Variants in GRM5 observed in about 807,000 individuals in gnomAD.
GRM5 encodes glutamate metabotropic receptor 5.
GRM5 carries 19 observed loss-of-function variants against 83.1 expected under a neutral mutation model. That is an observed-to-expected ratio of 0.23 (90% CI 0.16 to 0.34). The LOEUF (loss-of-function observed/expected upper bound fraction) is 0.34. Ranked by LOEUF, GRM5 falls within the 10% of genes least tolerant of loss-of-function variation. GRM5 has a pLI of 1.00. For synonymous variants in GRM5, 675 were observed against 633.6 expected, an observed-to-expected ratio of 1.07 and a Z score of -0.98; for missense variants, 1,160 against 1,588.3, an observed-to-expected ratio of 0.73 and a Z score of 4.58.
At chr11:88,778,059 C>T (rs1051355602) in intron 3 of GRM5, among the ~76,000 whole-genome samples, 20 of 152,150 alleles carry the variant, frequency 1.3e-4, no homozygotes, top group East Asian at 7.7e-4. Context: ...CCCTGCCCAC[C>T]GAGATGGAGT....
At chr11:88,962,405 C>T (rs189870789) in intron 2 of GRM5, among the ~76,000 whole-genome samples, 1 of 152,306 alleles carries the variant, frequency 6.6e-6, no homozygotes, top group Admixed American at 6.5e-5. Context: ...ACTAACCATT[C>T]ACTCATACAC....
chr11:88,721,379 A>C (rs1941535885), intron 3 of GRM5, among the ~76,000 whole-genome samples: 1 of 152,052 alleles, frequency 6.6e-6, no homozygotes, highest in Non-Finnish European at 1.5e-5. Flanking sequence ...AGAATGCACT[A>C]TTTCATATTT....
At chr11:88,948,740 C>T (rs1938360719) in intron 2 of GRM5, among the ~76,000 whole-genome samples, 1 of 152,124 alleles carries the variant, frequency 6.6e-6, no homozygotes, top group Non-Finnish European at 1.5e-5. Context: ...AAAGCTATTG[C>T]TCTCCTATTA....
At chr11:88,963,024 G>A (rs664872) in intron 2 of GRM5, among the ~76,000 whole-genome samples, 134,489 of 152,224 alleles carry the variant, frequency 0.88, 61,689 homozygotes, top group Non-Finnish European at 0.99. Context: ...AGGAGGCAGA[G>A]GTTGCAGTGA....
In GRM5 at chr11:88,508,420, T is replaced by A; in HGVS notation, c.*172A>T. 2.0e-6 allele frequency: 1 copy of A among 497,950 alleles called. No individual in the cohort carries two copies. The highest frequency in any genetic ancestry group is 3.5e-6 in the Non-Finnish European group (1 of 287,020). 30.8% of individuals were successfully genotyped at this position (497,950 alleles called of 1,614,324 possible). A position where few individuals can be genotyped will look rare whatever the true frequency, so the allele number is the denominator to read the frequency against. ...AATCTGCCAAAAGATTTGTCGTCGGTTTCTTCGTCGGTTGTCATGAGATAG... is the reference window on the plus strand; with the variant it reads ...AATCTGCCAAAAGATTTGTCGTCGGATTCTTCGTCGGTTGTCATGAGATAG... On this transcript the variant is annotated 3_prime_UTR_variant, in exon 10 of 10. Coordinates refer to ENST00000305447, the MANE Select transcript of GRM5 (RefSeq NM_001143831.3). This position sits in a 1 kb window ranked among gnomAD's most constrained non-coding sequence, Gnocchi z 4.2.
chr11:88,642,519 A>G (rs1427359421), intron 4 of GRM5, among the ~76,000 whole-genome samples: 2 of 152,188 alleles, frequency 1.3e-5, no homozygotes, highest in East Asian at 3.8e-4. Flanking sequence ...TCTGCCACAC[A>G]GTCAGGCTGT....
intron 9 of GRM5, among the ~76,000 whole-genome samples, chr11:88,514,347 T>G (rs1510603): frequency 0.14 from 21,382 of 152,172 alleles, 1,634 homozygotes; most frequent in African/African-American, 0.16. Context: ...ACACTTTCTA[T>G]CTTTATTCTC....
At chr11:88,580,976 C>T (rs1176411589) in intron 7 of GRM5, among the ~76,000 whole-genome samples, 1 of 152,152 alleles carries the variant, frequency 6.6e-6, no homozygotes, top group East Asian at 1.9e-4. Context: ...GGCATGGTGG[C>T]ATGCGCCTGT....
At chr11:89,055,787 A>G (rs1432663298) in intron 1 of GRM5, among the ~76,000 whole-genome samples, 2 of 152,134 alleles carry the variant, frequency 1.3e-5, no homozygotes, top group African/African-American at 4.8e-5. Flanking sequence ...GATGGGGACA[A>G]TTATAACAAC....
At chr11:88,529,690 T>C (rs528774909) in intron 8 of GRM5, among the ~76,000 whole-genome samples, 1 of 152,068 alleles carries the variant, frequency 6.6e-6, no homozygotes, top group East Asian at 1.9e-4. Context: ...AGAGAAATAC[T>C]ACTACAGTTA....
intron 3 of GRM5, among the ~76,000 whole-genome samples, chr11:88,817,563 A>G (rs1943714421): frequency 6.6e-6 from 1 of 152,146 alleles, no homozygotes; most frequent in Non-Finnish European, 1.5e-5. Context: ...TAAAAATACC[A>G]TCAACTAGTG....
chr11:88,804,638 T>C (rs1182883935), intron 3 of GRM5, among the ~76,000 whole-genome samples: 2 of 152,184 alleles, frequency 1.3e-5, no homozygotes, highest in South Asian at 2.1e-4. Flanking sequence ...TATACATATG[T>C]AACTAGCCTG....
rs1215729948 is a variant in GRM5, at chr11:88,509,183, C to G, written c.3048G>C (p.Pro1016=). The part of the protein sequence containing the change: ...AEEHFPAPAR[P]RSPSPISTLS... ...GCGTGCTGATGGGCGACGGTGAGCG[C>G]GGCCGCGCGGGCGCCGGGAAGTGCT... Residue 1016 remains proline, a synonymous_variant, in exon 10 of 10, where the codon CCG becomes CCC. Transcript: ENST00000305447. The G allele has an allele frequency of 6.5e-7, 1 of 1,534,072 alleles. No homozygotes were observed. The highest frequency in any genetic ancestry group is 8.7e-7 in the Non-Finnish European group (1 of 1,142,982).
intron 6 of GRM5, among the ~76,000 whole-genome samples, chr11:88,592,870 G>A (rs528042730): frequency 3.3e-5 from 5 of 152,138 alleles, no homozygotes; most frequent in African/African-American, 4.8e-5. Context: ...TGGGAGTGCA[G>A]TGGCGCCATC....
At chr11:88,563,587 C>T (rs765757358) in intron 8 of GRM5, among the ~76,000 whole-genome samples, 47 of 152,104 alleles carry the variant, frequency 3.1e-4, no homozygotes, top group African/African-American at 1.1e-3. Context: ...AGGGCTGGGT[C>T]GAGCATGGTA....
In GRM5 at chr11:88,888,654, T is replaced by C. The variant is rs1044640176; in HGVS notation, c.662-38499A>G. Among the ~76,000 whole-genome samples, 7 of 152,196 alleles carry C rather than the reference T, an allele frequency of 4.6e-5. No individual in the cohort carries two copies. The South Asian group carries it at 1.2e-3, about 27-fold the overall frequency. On this transcript the variant is annotated intron_variant, in intron 2 of 9. Transcript: ENST00000305447. ...TTTTTTTACTAGTTGGGTTTTTGGC[T>C]TCTCTATCCCTGTGCAAACCGGTAA...
Position 88,567,175 on chromosome 11 carries a change from G to A in GRM5, c.2508C>T (p.Ala836=). 1 of 1,614,008 alleles carries A rather than the reference G, an allele frequency of 6.2e-7. No individual in the cohort carries two copies. Among genetic ancestry groups the A allele is most frequent in the South Asian group, 1.1e-5 (1 of 91,072 alleles). Residue 836 remains alanine, a synonymous_variant, in exon 8 of 10, where the codon GCC becomes GCT. Coordinates refer to ENST00000305447, the MANE Select transcript of GRM5 (RefSeq NM_001143831.3). The surrounding 1 kb of genome is among the most constrained non-coding windows in gnomAD (Gnocchi z 7.3). ...TGCGCACCACGGTAGATGTGGTGAA[G>A]GCGCTGCGCACGTTTCTCTCTGGTT... ...LAKPERNVRS[A]FTTSTVVRMH...
At chr11:88,529,277 C>G (rs1375046833) in intron 8 of GRM5, among the ~76,000 whole-genome samples, 1 of 151,398 alleles carries the variant, frequency 6.6e-6, no homozygotes, top group Non-Finnish European at 1.5e-5. Context: ...GAAATGTAAA[C>G]AGATAATTTC....
At chr11:88,751,764 C>T (rs538483582) in intron 3 of GRM5, among the ~76,000 whole-genome samples, 14 of 152,148 alleles carry the variant, frequency 9.2e-5, no homozygotes, top group African/African-American at 2.6e-4. Context: ...TAATCGAGTT[C>T]GCTTCATTCT....
Sources: allele counts gnomAD v4.1 joint callset (sites outside exome capture counted in the v4.1 genomes callset), GRCh38; gene constraint gnomAD v4.1.1; non-coding constraint Gnocchi (gnomAD v3.1); transcripts MANE v1.5; gene names NCBI Gene and HGNC (gene_info 2026-07-23, HGNC 2026-07-21).